The following RSRC1 variants were observed in gnomAD, a reference collection of about 807,000 sequenced individuals.
RSRC1 encodes the protein serine/Arginine-related protein 53.
Under a neutral mutation model 49.1 loss-of-function variants are expected in RSRC1, and 39 were observed. The observed-to-expected ratio is 0.79, with a 90% CI of 0.61 to 1.04. The LOEUF is 1.04. Ranked by LOEUF, RSRC1 falls within the 50% of genes least tolerant of loss-of-function variation. The pLI, the probability that RSRC1 is intolerant of heterozygous loss-of-function variation, is 0.00. For missense variants in RSRC1, 388 were observed against 402.4 expected, an observed-to-expected ratio of 0.96 and a Z score of 0.31; for synonymous variants, 143 against 130.8, an observed-to-expected ratio of 1.09 and a Z score of -0.63.
chr3:158,251,833 C>A (rs1724224076), intron 4 of RSRC1, among the ~76,000 whole-genome samples: 1 of 152,106 alleles, frequency 6.6e-6, no homozygotes, highest in South Asian at 2.1e-4. Context: ...ATTGCTCTAG[C>A]TAAGACTTCT....
At chr3:158,239,896 T>C (rs969883183) in intron 4 of RSRC1, among the ~76,000 whole-genome samples, 1 of 152,184 alleles carries the variant, frequency 6.6e-6, no homozygotes, top group Admixed American at 6.5e-5. Flanking sequence ...AATAGAAGTT[T>C]TACCATTTGA....
chr3:158,367,154 C>T (rs763498597), intron 6 of RSRC1, among the ~76,000 whole-genome samples: 30 of 152,012 alleles, frequency 2.0e-4, no homozygotes, highest in Non-Finnish European at 3.8e-4. Flanking sequence ...TTGCCCTGGC[C>T]AGACCTTCCA....
chr3:158,454,092 C>G (rs1178101794), intron 6 of RSRC1, among the ~76,000 whole-genome samples: 1 of 152,010 alleles, frequency 6.6e-6, no homozygotes, highest in Non-Finnish European at 1.5e-5. Flanking sequence ...TTCTCAGGTT[C>G]TCTTTGCAAC....
intron 8 of RSRC1, among the ~76,000 whole-genome samples, chr3:158,538,767 G>T (rs957872322): frequency 6.6e-6 from 1 of 151,890 alleles, no homozygotes; most frequent in African/African-American, 2.4e-5. Flanking sequence ...TCATAAGGTG[G>T]CATTTATCTT....
chr3:158,509,272 A>T (rs1740027564), intron 7 of RSRC1, among the ~76,000 whole-genome samples: 1 of 152,140 alleles, frequency 6.6e-6, no homozygotes, highest in South Asian at 2.1e-4. Flanking sequence ...AACTGTTTTT[A>T]TTAAGTATGA....
chr3:158,116,067 C>T (rs906316081), intron 1 of RSRC1, among the ~76,000 whole-genome samples: 3 of 151,962 alleles, frequency 2.0e-5, no homozygotes, highest in African/African-American at 7.3e-5. Context: ...ATGTTAACAC[C>T]CTTCATTATA....
chr3:158,542,516 C>T (rs1199399861), intron 8 of RSRC1, among the ~76,000 whole-genome samples: 2 of 152,202 alleles, frequency 1.3e-5, no homozygotes, highest in Non-Finnish European at 2.9e-5. Context: ...ACCTGGGTGA[C>T]AGAGTAAGAC....
rs542369144 is a variant in RSRC1 at position 158,421,217 on chromosome 3, G to A, written c.584-39718G>A. ...TTGACTCATAAGGAGTAAGATGATC[G>A]AGAATGGTCTGGATGGAGCTGTTAA... On this transcript the variant is annotated intron_variant, in intron 6 of 9. Coordinates refer to ENST00000611884, the MANE Select transcript of RSRC1 (RefSeq NM_001271838.2). Among the ~76,000 whole-genome samples, 12 of 151,976 alleles carry A rather than the reference G, an allele frequency of 7.9e-5. No homozygotes were observed. The South Asian group carries it at 1.9e-3, about 24-fold the overall frequency.
intron 3 of RSRC1, among the ~76,000 whole-genome samples, chr3:158,196,616 A>G (rs1433836974): frequency 2.0e-5 from 3 of 152,224 alleles, no homozygotes; most frequent in Non-Finnish European, 4.4e-5. Flanking sequence ...TTGCCCATTC[A>G]GTATGATATT....
intron 5 of RSRC1, among the ~76,000 whole-genome samples, chr3:158,345,544 A>G (rs2108222605): frequency 6.6e-6 from 1 of 152,190 alleles, no homozygotes; most frequent in South Asian, 2.1e-4. Context: ...AGGCCTTTAA[A>G]CAAAAGAAGA....
intron 5 of RSRC1, among the ~76,000 whole-genome samples, chr3:158,332,753 A>C (rs865946812): frequency 1.3e-5 from 2 of 151,862 alleles, no homozygotes; most frequent in Non-Finnish European, 2.9e-5. Context: ...CCATTTTGCT[A>C]TGTATTTTTC....
At chr3:158,161,740 TGACAAAGTGAGACCATGTCTCAAA>T (rs1355183296) in intron 3 of RSRC1, among the ~76,000 whole-genome samples, 1 of 152,046 alleles carries the variant, frequency 6.6e-6, no homozygotes, top group Non-Finnish European at 1.5e-5. Context: ...CCAGTCTGGG[TGACAAAGTGAGACCATGTCTCAAA>T]AATACATACA....
chr3:158,438,084 TAA>T (rs1234136032), intron 6 of RSRC1, among the ~76,000 whole-genome samples: 1 of 152,072 alleles, frequency 6.6e-6, no homozygotes, highest in African/African-American at 2.4e-5. Context: ...ACAAAGAGAA[TAA>T]AATACCTAGG....
At chr3:158,493,608 C>T (rs1340387269) in intron 7 of RSRC1, among the ~76,000 whole-genome samples, 2 of 151,988 alleles carry the variant, frequency 1.3e-5, no homozygotes, top group African/African-American at 4.8e-5. Context: ...TATCAAGCAC[C>T]CCTCAAAACC....
At chr3:158,349,229 A>G (rs1378356022) in intron 5 of RSRC1, among the ~76,000 whole-genome samples, 1 of 152,074 alleles carries the variant, frequency 6.6e-6, no homozygotes, top group Non-Finnish European at 1.5e-5. Flanking sequence ...ATGTTAACTA[A>G]CGTCTGTTGT....
intron 6 of RSRC1, among the ~76,000 whole-genome samples, chr3:158,364,920 T>C (rs1731678679): frequency 6.6e-6 from 1 of 151,330 alleles, no homozygotes; most frequent in Non-Finnish European, 1.5e-5. Flanking sequence ...ATGGGAATTA[T>C]AATAATGTGT....
intron 5 of RSRC1, among the ~76,000 whole-genome samples, chr3:158,318,872 T>G (rs962871128): frequency 2.6e-5 from 4 of 152,072 alleles, no homozygotes; most frequent in African/African-American, 9.7e-5. Context: ...AACTTTTGAG[T>G]TTTTATTTCA....
intron 3 of RSRC1, chr3:158,136,996 C>T (rs1287772224): frequency 1.3e-5 from 2 of 152,258 alleles, no homozygotes; most frequent in East Asian, 3.9e-4. Context: ...CTTTCATTTA[C>T]CTGAGGTAGT....
intron 7 of RSRC1, among the ~76,000 whole-genome samples, chr3:158,509,391 T>C (rs1362472176): frequency 6.6e-6 from 1 of 152,228 alleles, no homozygotes; most frequent in Admixed American, 6.5e-5. Context: ...ATGAAAACTC[T>C]TCTGCTGAAT....
Sources: allele counts gnomAD v4.1 joint callset (sites outside exome capture counted in the v4.1 genomes callset), GRCh38; gene constraint gnomAD v4.1.1; transcripts MANE v1.5; gene names NCBI Gene and HGNC (gene_info 2026-07-23, HGNC 2026-07-21).